Variants in FAM135B observed in about 807,000 individuals in gnomAD.
The protein encoded by FAM135B is protein FAM135B.
In FAM135B, 43 loss-of-function variants were observed where a neutral mutation model predicts 127.7. The observed-to-expected ratio is 0.34, with a 90% CI of 0.26 to 0.43. The LOEUF (loss-of-function observed/expected upper bound fraction) is 0.43. Ranked by LOEUF, FAM135B falls within the 20% of genes least tolerant of loss-of-function variation. The pLI is 1.00. For synonymous variants in FAM135B, 670 were observed against 665.1 expected (o/e 1.01, Z -0.11); for missense variants, 1,558 against 1,725.6 (o/e 0.90, Z 1.72).
chr8:138,269,120 GAA>G (rs562680016), intron 3 of FAM135B, among the ~76,000 whole-genome samples: 184 of 152,160 alleles, frequency 1.2e-3, no homozygotes, highest in African/African-American at 4.2e-3. Context: ...GATGGCAAGA[GAA>G]AAAAAGACTT....
intron 1 of FAM135B, among the ~76,000 whole-genome samples, chr8:138,399,865 G>A (rs1833055091): frequency 6.6e-6 from 1 of 152,136 alleles, no homozygotes. Flanking sequence ...CCCAGCATCA[G>A]AGGACATAAT....
chr8:138,413,265 A>T (rs1833959384), intron 1 of FAM135B, among the ~76,000 whole-genome samples: 1 of 151,942 alleles, frequency 6.6e-6, no homozygotes, highest in African/African-American at 2.4e-5. Context: ...TTCATTCCTT[A>T]TTGGTACTTT....
intron 12 of FAM135B, among the ~76,000 whole-genome samples, chr8:138,156,550 G>C (rs553183357): frequency 3.0e-4 from 46 of 151,938 alleles, no homozygotes; most frequent in Admixed American, 1.4e-3. Context: ...AGACCTCTAG[G>C]AAGACTAATA....
intron 3 of FAM135B, among the ~76,000 whole-genome samples, chr8:138,290,749 T>A (rs1563862743): frequency 6.6e-6 from 1 of 152,032 alleles, no homozygotes; most frequent in African/African-American, 2.4e-5. Flanking sequence ...TGGGGTGGGT[T>A]GGGAAAGCAA....
chr8:138,394,976 T>A (rs1563965551), intron 1 of FAM135B, among the ~76,000 whole-genome samples: 1 of 152,176 alleles, frequency 6.6e-6, no homozygotes, highest in Non-Finnish European at 1.5e-5. Context: ...TGGACATGAT[T>A]GGGTCACTTG....
intron 1 of FAM135B, among the ~76,000 whole-genome samples, chr8:138,484,503 C>T (rs182114639): frequency 1.3e-5 from 2 of 152,230 alleles, no homozygotes; most frequent in Non-Finnish European, 2.9e-5. Flanking sequence ...CAGTATTTTG[C>T]CCTCTTGGCT....
chr8:138,194,336 C>T (rs1269381393), intron 9 of FAM135B, among the ~76,000 whole-genome samples: 5 of 152,212 alleles, frequency 3.3e-5, no homozygotes, highest in African/African-American at 1.2e-4. Flanking sequence ...CTCCAGGGAT[C>T]TCCTCTGCAT....
At position 138,182,475 on chromosome 8, in the gene FAM135B, C is replaced by T. The variant is rs187125377; in HGVS notation, c.874-3785G>A. On this transcript the variant is annotated intron_variant, in intron 9 of 19. Transcript: ENST00000395297. The stretch of plus-strand genomic sequence containing the variant: ...TCGTCACCTGGGTGCTAACCAAGCA[C>T]CTTTGTTCACTCCCCTACTCCCTTG... Among the ~76,000 whole-genome samples the T allele has an allele frequency of 4.6e-5, 7 of 152,314 alleles. No individual in the cohort carries two copies. In the East Asian group the frequency reaches 1.4e-3, roughly 30 times the overall value.
At chr8:138,165,990 T>C (rs967594751) in intron 12 of FAM135B, among the ~76,000 whole-genome samples, 1 of 152,168 alleles carries the variant, frequency 6.6e-6, no homozygotes, top group African/African-American at 2.4e-5. Flanking sequence ...ATTTAGCCAT[T>C]TTAAAGCATC....
At chr8:138,442,237 C>CATATATATATATATATATATATATAT (rs759993575) in intron 1 of FAM135B, among the ~76,000 whole-genome samples, 2 of 51,914 alleles carry the variant, frequency 3.9e-5, no homozygotes, top group African/African-American at 1.0e-4. Context: ...ATATGGACAC[C>CATATATATATATATATATATATATAT]ATATATATAT....
chr8:138,313,223 C>T (rs1041137941), intron 2 of FAM135B, among the ~76,000 whole-genome samples: 1 of 152,114 alleles, frequency 6.6e-6, no homozygotes, highest in Non-Finnish European at 1.5e-5. Flanking sequence ...CTTCCGTCTC[C>T]CGGGTTCAAG....
At chr8:138,375,708 G>T (rs1831427209) in intron 1 of FAM135B, among the ~76,000 whole-genome samples, 2 of 151,930 alleles carry the variant, frequency 1.3e-5, no homozygotes, top group Admixed American at 6.6e-5. Context: ...TTTTCTTTTG[G>T]CATGTGTGTT....
At position 138,426,591 on chromosome 8, in the gene FAM135B, A is replaced by G. The variant is rs538246170; in HGVS notation, c.-19-58589T>C. Among the ~76,000 whole-genome samples the G allele has an allele frequency of 2.1e-3, 315 of 151,616 alleles. 3 individuals carry two copies. Among genetic ancestry groups the G allele is most frequent in the African/African-American group, 7.3e-3 (304 of 41,424 alleles). On this transcript the variant is annotated intron_variant, in intron 1 of 19. Coordinates refer to ENST00000395297, the MANE Select transcript of FAM135B (RefSeq NM_015912.4). ...GTATGAGAATGCTATTATCATTTTT[A>G]TCATAATCTAATACTATAATTTATA...
At chr8:138,281,855 G>A (rs1824293122) in intron 3 of FAM135B, among the ~76,000 whole-genome samples, 1 of 152,154 alleles carries the variant, frequency 6.6e-6, no homozygotes, top group African/African-American at 2.4e-5. Flanking sequence ...CTGTTGCTCA[G>A]GCTGGAGTGC....
chr8:138,209,472 C>T (rs1383387096), intron 7 of FAM135B, among the ~76,000 whole-genome samples: 1 of 152,132 alleles, frequency 6.6e-6, no homozygotes, highest in Non-Finnish European at 1.5e-5. Context: ...AGTAAAATAA[C>T]AAAGTGCAGG....
chr8:138,479,956 G>A (rs1564034353), intron 1 of FAM135B, among the ~76,000 whole-genome samples: 1 of 152,040 alleles, frequency 6.6e-6, no homozygotes, highest in African/African-American at 2.4e-5. Context: ...ACCCCATCAG[G>A]GAGGCTCAAT....
intron 7 of FAM135B, among the ~76,000 whole-genome samples, chr8:138,216,772 A>G (rs1818578865): frequency 6.6e-6 from 1 of 152,194 alleles, no homozygotes; most frequent in Admixed American, 6.5e-5. Flanking sequence ...TGATTAATCC[A>G]CAGGAATCTT....
intron 1 of FAM135B, among the ~76,000 whole-genome samples, chr8:138,387,292 G>A: frequency 6.6e-6 from 1 of 152,190 alleles, no homozygotes. Context: ...CTAGGTCCAG[G>A]TCTCACAAGA....
chr8:138,147,769 A>G (rs1454696512), intron 14 of FAM135B, among the ~76,000 whole-genome samples: 1 of 147,932 alleles, frequency 6.8e-6, no homozygotes, highest in Non-Finnish European at 1.5e-5. Context: ...CATCTTTCAC[A>G]TGCATGATGG....
Sources: allele counts gnomAD v4.1 joint callset (sites outside exome capture counted in the v4.1 genomes callset), GRCh38; gene constraint gnomAD v4.1.1; transcripts MANE v1.5; gene names NCBI Gene and HGNC (gene_info 2026-07-23, HGNC 2026-07-21).